NUDT3: variants seen among roughly 807,000 people sequenced by gnomAD.
NUDT3 encodes diphosphoinositol polyphosphate phosphohydrolase 1.
NUDT3 carries 9 observed loss-of-function variants against 23.6 expected under a neutral mutation model. The ratio of observed to expected loss-of-function variants is 0.38; its 90% CI spans 0.23 to 0.66. NUDT3 has a LOEUF of 0.66. NUDT3 is among the 30% of genes least tolerant of loss of function. The pLI is 0.52. For synonymous variants in NUDT3, 86 were observed against 82.6 expected (o/e 1.04, Z -0.22); for missense variants, 172 against 218.5 (o/e 0.79, Z 1.34).
chr6:34,347,980 A>G (rs1477969310), intron 1 of NUDT3, among the ~76,000 whole-genome samples: 1 of 149,628 alleles, frequency 6.7e-6, no homozygotes, highest in Non-Finnish European at 1.5e-5. Context: ...TACCAAAAAA[A>G]TAAATAAATA....
chr6:34,305,192 G>C (rs1364066950), intron 2 of NUDT3, among the ~76,000 whole-genome samples: 1 of 151,784 alleles, frequency 6.6e-6, no homozygotes, highest in African/African-American at 2.4e-5. Context: ...CATGTTGGCA[G>C]GCTGGTCTCG....
intron 1 of NUDT3, among the ~76,000 whole-genome samples, chr6:34,365,125 C>T (rs1561919743): frequency 6.6e-6 from 1 of 151,766 alleles, no homozygotes; most frequent in Non-Finnish European, 1.5e-5. Context: ...TAAAATTTCA[C>T]AGACAAGTTT....
At chr6:34,383,846 T>C (rs1581903966) in intron 1 of NUDT3, among the ~76,000 whole-genome samples, 2 of 152,104 alleles carry the variant, frequency 1.3e-5, no homozygotes, top group African/African-American at 2.4e-5. Flanking sequence ...GACTAACTGG[T>C]ATTAGGCAAA....
In NUDT3 at chr6:34,314,253, T is replaced by C. The variant is rs746833107; in HGVS notation, c.211-18568A>G. Among the ~76,000 whole-genome samples the C allele has an allele frequency of 3.6e-4, 54 of 151,768 alleles. 1 individual carries two copies. Among genetic ancestry groups the C allele is most frequent in the Middle Eastern group, 3.4e-3 (1 of 294 alleles). On this transcript the variant is annotated intron_variant, in intron 2 of 4. Coordinates refer to ENST00000607016, the MANE Select transcript of NUDT3 (RefSeq NM_006703.4). ...ACCTGGCCAATATGGCAAAACCCCA[T>C]CTCTACTGAAAATATAAGGCCGGGC... is the stretch of plus-strand genomic sequence containing the variant.
At chr6:34,382,922 T>C (rs988822190) in intron 1 of NUDT3, among the ~76,000 whole-genome samples, 5 of 151,884 alleles carry the variant, frequency 3.3e-5, no homozygotes, top group African/African-American at 1.2e-4. Flanking sequence ...GGTCAGGAGT[T>C]CGAGACCAGC....
chr6:34,337,607 C>T (rs1219336717), intron 2 of NUDT3, among the ~76,000 whole-genome samples: 2 of 152,186 alleles, frequency 1.3e-5, no homozygotes, highest in Non-Finnish European at 1.5e-5. Context: ...CTGTTGCAAA[C>T]ATCTGGTTTT....
At position 34,319,964 on chromosome 6, in the gene NUDT3, C is replaced by G. The variant is rs2113716251; in HGVS notation, c.210+21898G>C. Among the ~76,000 whole-genome samples, 3 of 152,272 alleles carry G rather than the reference C, an allele frequency of 2.0e-5. No individual in the cohort carries two copies. The South Asian group carries it at 6.2e-4, about 32-fold the overall frequency. Reference sequence around the variant, plus strand: ...GACTGTTAACTCCAAAAGGCTATGACAGTTAGGAGCCAGGAACCTGAGACG... The same window carrying G: ...GACTGTTAACTCCAAAAGGCTATGAGAGTTAGGAGCCAGGAACCTGAGACG... On this transcript the variant is annotated intron_variant, in intron 2 of 4. Transcript: ENST00000607016.
intron 1 of NUDT3, among the ~76,000 whole-genome samples, chr6:34,385,332 A>C (rs1353387248): frequency 6.6e-6 from 1 of 152,144 alleles, no homozygotes; most frequent in African/African-American, 2.4e-5. Flanking sequence ...TCATGCCTAT[A>C]ATCCCAGCAC....
chr6:34,344,087 T>C (rs183711793), intron 1 of NUDT3, among the ~76,000 whole-genome samples: 4 of 152,310 alleles, frequency 2.6e-5, no homozygotes, highest in South Asian at 2.1e-4. Flanking sequence ...ACATTGCTGA[T>C]AGGAATGTAC....
intron 1 of NUDT3, among the ~76,000 whole-genome samples, chr6:34,354,938 G>A (rs985078266): frequency 1.5e-4 from 23 of 151,192 alleles, no homozygotes; most frequent in African/African-American, 5.3e-4. Flanking sequence ...GGATTCCTTA[G>A]GATTTTCTAT....
chr6:34,381,213 C>G lies in NUDT3; in HGVS notation c.99+11051G>C, dbSNP rs139948642. Among the ~76,000 whole-genome samples the G allele has an allele frequency of 8.0e-3, 1,217 of 152,058 alleles. 14 individuals are homozygous for G. Among genetic ancestry groups the G allele is most frequent in the Middle Eastern group, 0.024 (7 of 294 alleles). On this transcript the variant is annotated intron_variant, in intron 1 of 4. Coordinates refer to ENST00000607016, the MANE Select transcript of NUDT3 (RefSeq NM_006703.4). ...TAAATTTTTTTATAGAGACGAGGTC[C>G]CACTACATTGCTCAGCCTTGTCTCA...
chr6:34,369,597 C>T lies in NUDT3; in HGVS notation c.99+22667G>A, dbSNP rs140471984. Among the ~76,000 whole-genome samples, 3 of 152,238 alleles carry T rather than the reference C, an allele frequency of 2.0e-5. No homozygotes were observed. The East Asian group carries it at 5.8e-4, about 29-fold the overall frequency. On this transcript the variant is annotated intron_variant, in intron 1 of 4. Transcript: ENST00000607016. ...TAGGTACTAGGAAGGAAATTAAAGA[C>T]CATGATGTGACAGTGTGTGACTTAA...
rs1267011609 is a variant in NUDT3, at chr6:34,285,686, C to A, written c.*3067G>T. 6.6e-6 allele frequency: 1 copy of A among 152,144 alleles called. No homozygotes were observed. The highest frequency in any genetic ancestry group is 1.5e-5 in the Non-Finnish European group (1 of 68,022). 9.4% of individuals were successfully genotyped at this position (152,144 alleles called of 1,614,324 possible). On this transcript the variant is annotated 3_prime_UTR_variant, in exon 5 of 5. Coordinates refer to ENST00000607016, the MANE Select transcript of NUDT3 (RefSeq NM_006703.4). ...CTTTGGGGAGATAAAGGTATTGCAA[C>A]CATGGGTCTAACTAATCTATCACTA... is the stretch of plus-strand genomic sequence containing the variant.
At chr6:34,355,356 C>G (rs1162950920) in intron 1 of NUDT3, among the ~76,000 whole-genome samples, 1 of 151,668 alleles carries the variant, frequency 6.6e-6, no homozygotes, top group Non-Finnish European at 1.5e-5. Flanking sequence ...TTAAACCAGC[C>G]TTGTATTTTT....
In NUDT3 at chr6:34,285,388, A is replaced by T. The variant is rs1156382233; in HGVS notation, c.*3365T>A. Reference sequence around the variant, plus strand: ...CACATGACCTTACTAGTGTTTCCCCAATGACTGTAATTTATAAACTAAAAA... The same window carrying T: ...CACATGACCTTACTAGTGTTTCCCCTATGACTGTAATTTATAAACTAAAAA... On this transcript the variant is annotated 3_prime_UTR_variant, in exon 5 of 5. Transcript: ENST00000607016. 3.3e-5 allele frequency: 5 copies of T among 152,162 alleles called. No individual in the cohort carries two copies. Among genetic ancestry groups the T allele is most frequent in the Non-Finnish European group, 7.3e-5 (5 of 68,038 alleles). 9.4% of individuals were successfully genotyped at this position (152,162 alleles called of 1,614,324 possible). A position where few individuals can be genotyped will look rare whatever the true frequency, so the allele number is the denominator to read the frequency against.
In NUDT3 at chr6:34,284,566, G is replaced by A. The variant is rs1334525111; in HGVS notation, c.*4187C>T. 1.4e-4 allele frequency: 21 copies of A among 147,614 alleles called. No individual in the cohort carries two copies. Among genetic ancestry groups the A allele is most frequent in the African/African-American group, 2.0e-4 (8 of 40,176 alleles). The allele number at this position is 147,614 out of a possible 1,614,324, so 9.1% of individuals were successfully genotyped here. The stretch of plus-strand genomic sequence containing the variant: ...TTTTTTTTTTTAAAGATGAGGATGC[G>A]GACTCCAACAAAGGCATTAAGAAAG... On this transcript the variant is annotated 3_prime_UTR_variant, in exon 5 of 5. Transcript: ENST00000607016.
At chr6:34,376,963 C>T (rs1764935194) in intron 1 of NUDT3, among the ~76,000 whole-genome samples, 1 of 152,100 alleles carries the variant, frequency 6.6e-6, no homozygotes, top group East Asian at 1.9e-4. Flanking sequence ...CAAACTCATT[C>T]CCACCCTCAA....
At position 34,388,240 on chromosome 6, in the gene NUDT3, T is replaced by C. The variant is rs146749071; in HGVS notation, c.99+4024A>G. 9.2e-3 allele frequency among the ~76,000 whole-genome samples: 1,401 copies of C among 152,292 alleles called. 15 individuals are homozygous for C. Among genetic ancestry groups the C allele is most frequent in the Middle Eastern group, 0.024 (7 of 294 alleles). ...TTTACACAACAACAAAATCACCTAA[T>C]GATGCATTTCTCAGTACGTATCCCC... On this transcript the variant is annotated intron_variant, in intron 1 of 4. Coordinates refer to ENST00000607016, the MANE Select transcript of NUDT3 (RefSeq NM_006703.4).
chr6:34,383,835 T>C (rs1765062877), intron 1 of NUDT3, among the ~76,000 whole-genome samples: 1 of 152,026 alleles, frequency 6.6e-6, no homozygotes, highest in Non-Finnish European at 1.5e-5. Flanking sequence ...ATGGAAGACA[T>C]GACTAACTGG....
Sources: allele counts gnomAD v4.1 joint callset (sites outside exome capture counted in the v4.1 genomes callset), GRCh38; gene constraint gnomAD v4.1.1; transcripts MANE v1.5; gene names NCBI Gene and HGNC (gene_info 2026-07-23, HGNC 2026-07-21).